NKD1: variants seen among roughly 807,000 people sequenced by gnomAD.
The protein encoded by NKD1 is protein naked cuticle homolog 1.
NKD1 carries 21 observed loss-of-function variants against 56.0 expected under a neutral mutation model. The ratio of observed to expected loss-of-function variants is 0.38; its 90% confidence interval spans 0.27 to 0.54. The LOEUF is 0.54. NKD1 is among the 20% of genes least tolerant of loss of function. The probability of loss-of-function intolerance (pLI) is 0.82; values close to 1 mark genes in which losing one functional copy is unlikely to be tolerated. For missense variants in NKD1, 578 were observed against 642.7 expected (o/e 0.90, Z 1.09); for synonymous variants, 263 against 265.7 (o/e 0.99, Z 0.10).
intron 3 of NKD1, among the ~76,000 whole-genome samples, chr16:50,563,312 T>A (rs1174517167): frequency 2.0e-5 from 3 of 150,914 alleles, no homozygotes; most frequent in African/African-American, 7.4e-5. Flanking sequence ...CCTGGACCCA[T>A]GGAGAAGACC....
chr16:50,606,975 TA>T (rs1961726298), intron 3 of NKD1: 1 of 456,798 alleles, frequency 2.2e-6, no homozygotes, highest in South Asian at 1.5e-5. Flanking sequence ...CGGGCTCTGT[TA>T]ACACAAACAG....
intron 3 of NKD1, among the ~76,000 whole-genome samples, chr16:50,591,258 G>A (rs368890866): frequency 9.9e-5 from 15 of 152,208 alleles, no homozygotes; most frequent in East Asian, 5.8e-4. Flanking sequence ...TGTGAGCTGC[G>A]CTTCTCTCTC....
Position 50,562,705 on chromosome 16 carries a change from C to T in NKD1, c.192+13150C>T, listed in dbSNP as rs764645717. On this transcript the variant is annotated intron_variant, in intron 3 of 9. Coordinates refer to ENST00000268459, the MANE Select transcript of NKD1 (RefSeq NM_033119.5). The stretch of plus-strand genomic sequence containing the variant: ...TTTCTGTACTAGGCAACAGCTGGGC[C>T]GACTGGACCCTGAAGGAAAGGAGAG... Among the ~76,000 whole-genome samples the T allele has an allele frequency of 4.6e-5, 7 of 152,010 alleles. No homozygotes were observed. In the South Asian group the frequency reaches 8.3e-4, roughly 18 times the overall value.
At chr16:50,587,108 G>A (rs944272154) in intron 3 of NKD1, among the ~76,000 whole-genome samples, 3 of 152,202 alleles carry the variant, frequency 2.0e-5, no homozygotes, top group Admixed American at 6.5e-5. Context: ...CTTGGTACGT[G>A]CTAGGTATAT....
At chr16:50,576,509 T>C (rs556161987) in intron 3 of NKD1, among the ~76,000 whole-genome samples, 7 of 152,276 alleles carry the variant, frequency 4.6e-5, no homozygotes, top group African/African-American at 1.4e-4. Flanking sequence ...TGATTATCCT[T>C]GGTGGAGAGA....
intron 3 of NKD1, chr16:50,562,204 G>T (rs1372143478): frequency 3.9e-6 from 2 of 514,028 alleles, no homozygotes; most frequent in East Asian, 3.0e-4. Flanking sequence ...TGACAGGAAA[G>T]AGACCCTGAG....
At chr16:50,624,817 C>A (rs1304058862) in intron 5 of NKD1, among the ~76,000 whole-genome samples, 1 of 152,222 alleles carries the variant, frequency 6.6e-6, no homozygotes, top group Admixed American at 6.5e-5. Context: ...TTCCCAGGCT[C>A]TTCAGGGCTG....
Position 50,603,224 on chromosome 16 carries a change from G to A in NKD1, c.193-5070G>A, listed in dbSNP as rs978895175. ...TGTCTGCTGCCACTCGGCTGCTGAG[G>A]GTGGGACTGGGCCCGGAGCCTGGGC... On this transcript the variant is annotated intron_variant, in intron 3 of 9. Coordinates refer to ENST00000268459, the MANE Select transcript of NKD1 (RefSeq NM_033119.5). 7.2e-5 allele frequency among the ~76,000 whole-genome samples: 11 copies of A among 152,376 alleles called. No homozygotes were observed. The East Asian group carries it at 2.1e-3, about 29-fold the overall frequency.
chr16:50,642,785 A>G lies in NKD1; in HGVS notation c.*9004A>G, dbSNP rs2151283779. On this transcript the variant is annotated 3_prime_UTR_variant, in exon 10 of 10. Coordinates refer to ENST00000268459, the MANE Select transcript of NKD1 (RefSeq NM_033119.5). Reference sequence around the variant, plus strand: ...TACCTGTCCTCCACCCCGGCTGCAGAGCCCCCAGTGAGACAGCTGCTGTGG... The same window carrying G: ...TACCTGTCCTCCACCCCGGCTGCAGGGCCCCCAGTGAGACAGCTGCTGTGG... 6.6e-6 allele frequency: 1 copy of G among 152,380 alleles called. No individual in the cohort carries two copies. The highest frequency in any genetic ancestry group is 2.1e-4 in the South Asian group (1 of 4,828). 9.4% of individuals were successfully genotyped at this position (152,380 alleles called of 1,614,324 possible).
At chr16:50,609,736 C>T (rs1961800660) in intron 4 of NKD1, among the ~76,000 whole-genome samples, 1 of 152,180 alleles carries the variant, frequency 6.6e-6, no homozygotes, top group Admixed American at 6.5e-5. Context: ...TGAAGATACT[C>T]ACTCCGTTGC....
intron 3 of NKD1, among the ~76,000 whole-genome samples, chr16:50,567,158 C>G (rs1209320123): frequency 6.6e-6 from 1 of 152,104 alleles, no homozygotes; most frequent in Non-Finnish European, 1.5e-5. Flanking sequence ...GTTTTCTTAC[C>G]TATAAAAAGA....
intron 3 of NKD1, among the ~76,000 whole-genome samples, chr16:50,589,719 CTTCTCTTCTCTTCT>C: frequency 3.7e-5 from 2 of 53,494 alleles, no homozygotes; most frequent in Non-Finnish European, 3.5e-5. Flanking sequence ...CTTCTCTTCT[CTTCTCTTCTCTTCT>C]CTTCTCTTCT....
At chr16:50,588,598 CTTTTT>C (rs574622414) in intron 3 of NKD1, among the ~76,000 whole-genome samples, 4 of 94,676 alleles carry the variant, frequency 4.2e-5, no homozygotes, top group South Asian at 3.6e-4. Flanking sequence ...TTTTCTTCTG[CTTTTT>C]TTTTTTTTTT....
rs969657518 is a variant in NKD1, at chr16:50,548,622, T to TCGC, written c.25+51_25+53dup. 100 of 1,441,564 alleles carry TCGC rather than the reference T, an allele frequency of 6.9e-5. 1 individual carries two copies. The African/African-American group carries it at 1.4e-3, about 21-fold the overall frequency. The allele number at this position is 1,441,564 out of a possible 1,614,324, so 89.3% of individuals were successfully genotyped here. A position where few individuals can be genotyped will look rare whatever the true frequency, so the allele number is the denominator to read the frequency against. ...GCGCTCGCCCCGGGCCCCGCCGCCG[T>TCGC]CGCCGCCGCGGTCGCTAACTCTCTC... On this transcript the variant is annotated intron_variant, in intron 1 of 9. Coordinates refer to ENST00000268459, the MANE Select transcript of NKD1 (RefSeq NM_033119.5).
chr16:50,549,313 C>A (rs1428073992), intron 2 of NKD1, 109 bp from the exon 3 acceptor site: 64 of 1,404,972 alleles, frequency 4.6e-5, no homozygotes, highest in Non-Finnish European at 6.1e-5. Flanking sequence ...CCCTCCTGGC[C>A]CCCGTGCCGT....
chr16:50,608,181 A>G, intron 3 of NKD1, 113 bp from the exon 4 acceptor site: 1 of 796,976 alleles, frequency 1.3e-6, no homozygotes, highest in Non-Finnish European at 2.3e-6. Flanking sequence ...GCCTCAGTTG[A>G]CCTGAATTCC....
intron 4 of NKD1, among the ~76,000 whole-genome samples, chr16:50,615,850 A>T (rs1961947767): frequency 6.6e-6 from 1 of 152,222 alleles, no homozygotes; most frequent in Admixed American, 6.5e-5. Context: ...CCACCACAGT[A>T]TGTGGCTGTG....
chr16:50,615,914 T>TA (rs1453242727), intron 4 of NKD1: 1 of 391,052 alleles, frequency 2.6e-6, no homozygotes, highest in African/African-American at 2.1e-5. Flanking sequence ...GAGAGCCTGA[T>TA]ACAGATACTG....
chr16:50,592,564 C>T (rs1013084261), intron 3 of NKD1, among the ~76,000 whole-genome samples: 6 of 152,184 alleles, frequency 3.9e-5, no homozygotes, highest in Non-Finnish European at 8.8e-5. Flanking sequence ...GAGAAATGTA[C>T]GGACCCTGTC....
Sources: allele counts gnomAD v4.1 joint callset (sites outside exome capture counted in the v4.1 genomes callset), GRCh38; gene constraint gnomAD v4.1.1; transcripts MANE v1.5; gene names NCBI Gene and HGNC (gene_info 2026-07-23, HGNC 2026-07-21).